Variants in KCNQ5 observed in about 807,000 individuals in gnomAD.
KCNQ5 encodes potassium voltage-gated channel subfamily KQT member 5.
A neutral mutation model predicts 98.2 loss-of-function variants in KCNQ5; 30 were observed. The ratio of observed to expected loss-of-function variants is 0.31; its 90% confidence interval spans 0.23 to 0.41. The LOEUF (loss-of-function observed/expected upper bound fraction) is 0.41. Ranked by LOEUF, KCNQ5 falls within the 10% of genes least tolerant of loss-of-function variation. KCNQ5 has a pLI of 1.00. For synonymous variants in KCNQ5, 458 were observed against 449.4 expected (o/e 1.02, Z -0.24); for missense variants, 835 against 1,182.5 (o/e 0.71, Z 4.31).
chr6:73,001,230 A>G (rs1187743213), intron 1 of KCNQ5, among the ~76,000 whole-genome samples: 3 of 152,040 alleles, frequency 2.0e-5, no homozygotes, highest in African/African-American at 7.2e-5. Flanking sequence ...TTTTCTTAGC[A>G]CTTATCTGCC....
intron 1 of KCNQ5, among the ~76,000 whole-genome samples, chr6:72,762,680 C>T (rs563751436): frequency 1.3e-5 from 2 of 152,170 alleles, no homozygotes; most frequent in South Asian, 2.1e-4. Context: ...AGAATAAACA[C>T]AGCCTATTGT....
chr6:72,641,094 G>A (rs965334101), intron 1 of KCNQ5, among the ~76,000 whole-genome samples: 1 of 151,962 alleles, frequency 6.6e-6, no homozygotes, highest in South Asian at 2.1e-4. Context: ...GTTTTTCTTG[G>A]AGTTAAACCA....
chr6:73,155,117 T>A (rs1327377456), intron 10 of KCNQ5, among the ~76,000 whole-genome samples: 1 of 152,192 alleles, frequency 6.6e-6, no homozygotes. Flanking sequence ...GAAAGGCTTG[T>A]CATTCCAGAG....
intron 1 of KCNQ5, among the ~76,000 whole-genome samples, chr6:72,884,999 C>A (rs915452085): frequency 6.6e-6 from 1 of 152,124 alleles, no homozygotes; most frequent in Non-Finnish European, 1.5e-5. Flanking sequence ...ACACACAAGT[C>A]ACTTCTCTCA....
intron 3 of KCNQ5, chr6:73,055,456 A>G: frequency 1.9e-6 from 3 of 1,548,588 alleles, no homozygotes; most frequent in Non-Finnish European, 2.7e-6. Context: ...ATGTCCCACC[A>G]CCTCCGATGG....
chr6:72,643,540 T>G (rs1339272849), intron 1 of KCNQ5, among the ~76,000 whole-genome samples: 1 of 152,174 alleles, frequency 6.6e-6, no homozygotes, highest in African/African-American at 2.4e-5. Context: ...TGTAACTTTT[T>G]GAGTGCTGGC....
rs551466845 is a variant in KCNQ5, at chr6:72,659,914, T to C, written c.398+37327T>C. Among the ~76,000 whole-genome samples, 21 of 152,324 alleles carry C rather than the reference T, an allele frequency of 1.4e-4. No individual in the cohort carries two copies. In the South Asian group the frequency reaches 4.3e-3, roughly 32 times the overall value. On this transcript the variant is annotated intron_variant, in intron 1 of 13. Coordinates refer to ENST00000370398, the MANE Select transcript of KCNQ5 (RefSeq NM_019842.4). ...CAATTGATAAAATAATCCTTCATGATATCTCTATAGCTGTTCCACTTCTAA... is the reference window on the plus strand; with the variant it reads ...CAATTGATAAAATAATCCTTCATGACATCTCTATAGCTGTTCCACTTCTAA...
chr6:72,995,873 C>CT (rs1460692103), intron 1 of KCNQ5, among the ~76,000 whole-genome samples: 2 of 152,154 alleles, frequency 1.3e-5, no homozygotes, highest in Non-Finnish European at 2.9e-5. Flanking sequence ...AAAAATGCAA[C>CT]TTTAGATTGA....
At chr6:73,096,414 T>C (rs1439844052) in intron 5 of KCNQ5, among the ~76,000 whole-genome samples, 1 of 149,146 alleles carries the variant, frequency 6.7e-6, no homozygotes, top group African/African-American at 2.5e-5. Flanking sequence ...AGAGAGAGCA[T>C]GGTAGAAGAC....
At chr6:72,825,721 A>G (rs938884312) in intron 1 of KCNQ5, among the ~76,000 whole-genome samples, 3 of 152,152 alleles carry the variant, frequency 2.0e-5, no homozygotes, top group African/African-American at 7.2e-5. Flanking sequence ...CTCTCAGCCC[A>G]TTCTTTAGCC....
At chr6:72,882,718 T>C (rs1254806320) in intron 1 of KCNQ5, among the ~76,000 whole-genome samples, 2 of 152,192 alleles carry the variant, frequency 1.3e-5, no homozygotes, top group Admixed American at 6.5e-5. Flanking sequence ...ATTATGTACA[T>C]GGATGGACAT....
At chr6:72,836,890 G>T (rs1776529239) in intron 1 of KCNQ5, among the ~76,000 whole-genome samples, 1 of 152,084 alleles carries the variant, frequency 6.6e-6, no homozygotes, top group East Asian at 1.9e-4. Flanking sequence ...TTTTGATAAT[G>T]CATAGCAATT....
intron 1 of KCNQ5, among the ~76,000 whole-genome samples, chr6:72,839,783 G>A (rs9446765): frequency 0.037 from 5,664 of 152,156 alleles, 306 homozygotes; most frequent in African/African-American, 0.12. Flanking sequence ...ATTACCTCAC[G>A]TAATTTTTTA....
intron 7 of KCNQ5, 25 bp from the exon 8 acceptor site, chr6:73,120,458 A>G (rs1299213583): frequency 3.3e-6 from 5 of 1,523,618 alleles, no homozygotes; most frequent in African/African-American, 2.8e-5. Context: ...TTTCTTTTTC[A>G]TGTCCCCATC....
At chr6:73,084,806 G>A (rs1187370507) in intron 5 of KCNQ5, among the ~76,000 whole-genome samples, 2 of 152,078 alleles carry the variant, frequency 1.3e-5, no homozygotes, top group African/African-American at 2.4e-5. Context: ...CCCTTTCTCC[G>A]ACCCTGAACC....
At chr6:72,968,827 C>T (rs562431746) in intron 1 of KCNQ5, among the ~76,000 whole-genome samples, 27 of 152,228 alleles carry the variant, frequency 1.8e-4, no homozygotes, top group African/African-American at 6.3e-4. Flanking sequence ...GCATCAAAGT[C>T]AACCTACATT....
At chr6:72,631,301 A>G (rs924377309) in intron 1 of KCNQ5, among the ~76,000 whole-genome samples, 2 of 152,222 alleles carry the variant, frequency 1.3e-5, no homozygotes, top group African/African-American at 4.8e-5. Flanking sequence ...GACATAAAAT[A>G]CAGACAGGAG....
At chr6:72,900,458 A>ACCACAG (rs1779446448) in intron 1 of KCNQ5, among the ~76,000 whole-genome samples, 1 of 140,964 alleles carries the variant, frequency 7.1e-6, no homozygotes, top group South Asian at 2.1e-4. Flanking sequence ...CATATATATG[A>ACCACAG]TTTATTTTAT....
intron 3 of KCNQ5, among the ~76,000 whole-genome samples, chr6:73,073,263 C>T (rs1017848367): frequency 1.3e-5 from 2 of 152,172 alleles, no homozygotes; most frequent in African/African-American, 4.8e-5. Flanking sequence ...TCAATTTCTT[C>T]ATTTATAAGA....
Sources: gnomAD v4.1 joint callset for allele counts (sites outside exome capture counted in the v4.1 genomes callset) on GRCh38, gnomAD v4.1.1 for gene constraint, MANE v1.5 for transcripts, NCBI Gene and HGNC (gene_info 2026-07-23, HGNC 2026-07-21) for gene names.